The following CC2D1B variants were observed in gnomAD, a reference collection of about 807,000 sequenced individuals.
CC2D1B encodes the protein coiled-coil and C2 domain containing 1B.
In CC2D1B, 92 loss-of-function variants were observed where a neutral mutation model predicts 110.8. The observed-to-expected ratio is 0.83, with a 90% CI of 0.70 to 0.99. The LOEUF (loss-of-function observed/expected upper bound fraction) is 0.99, where lower values mean the gene tolerates loss of function less well. Ranked by LOEUF, CC2D1B falls within the 50% of genes least tolerant of loss-of-function variation. The pLI, the probability that CC2D1B is intolerant of heterozygous loss-of-function variation, is 0.00. For synonymous variants in CC2D1B, 406 were observed against 429.2 expected (o/e 0.95, Z 0.67); for missense variants, 1,136 against 1,089.0 (o/e 1.04, Z -0.61).
In CC2D1B at chr1:52,359,251, T is replaced by G; in HGVS notation, c.1125A>C (p.Pro375=). The G allele has an allele frequency of 1.2e-6, 2 of 1,612,100 alleles. No homozygotes were observed. Among genetic ancestry groups the G allele is most frequent in the Non-Finnish European group, 1.7e-6 (2 of 1,178,830 alleles). Residue 375 remains proline (P), a splice_region_variant and synonymous_variant, in exon 10 of 25, where the codon CCA becomes CCC. Coordinates refer to ENST00000284376, the MANE Select transcript of CC2D1B (RefSeq NM_001330585.2). ...PVMAPDVPAT[P]VAPTESQTVL... is the part of the protein sequence containing the mutation. ...CACAGTCCCACCATCCTGCCCTACC[T>G]GGGGTTGCTGGGACGTCAGGGGCCA...
At chr1:52,353,275 C>CAA in intron 24 of CC2D1B, 52 bp from the exon 25 acceptor site, 1 of 1,443,424 alleles carries the variant, frequency 6.9e-7, no homozygotes, top group Non-Finnish European at 9.2e-7. Flanking sequence ...AGTGAAAACA[C>CAA]AAAGATTTTA....
intron 15 of CC2D1B, among the ~76,000 whole-genome samples, 190 bp downstream of exon 15, chr1:52,357,336 C>A (rs1646675816): frequency 1.3e-5 from 2 of 152,264 alleles, no homozygotes; most frequent in Non-Finnish European, 2.9e-5. Context: ...GGCAGCCCAC[C>A]TTCCCTTCTC....
intron 9 of CC2D1B, 39 bp from the exon 10 acceptor site, chr1:52,359,396 G>T: frequency 6.2e-7 from 1 of 1,612,840 alleles, no homozygotes; most frequent in South Asian, 1.1e-5. Flanking sequence ...GGGAGGGCCT[G>T]GCCAGCCCCA....
At chr1:52,356,342 T>A (rs1646651102) in intron 17 of CC2D1B, 40 bp from the exon 18 acceptor site, 5 of 1,614,016 alleles carry the variant, frequency 3.1e-6, no homozygotes, top group Non-Finnish European at 4.2e-6. Context: ...GTGGATTTTC[T>A]GCTCCCCACC....
At chr1:52,361,251 G>T in intron 4 of CC2D1B, 119 bp from the exon 5 acceptor site, 1 of 1,308,740 alleles carries the variant, frequency 7.6e-7, no homozygotes, top group Non-Finnish European at 1.1e-6. Flanking sequence ...CACTGTGCCT[G>T]AGTCCCCTTC....
rs1428996176 is a variant in CC2D1B at position 52,355,840 on chromosome 1, A to G, written c.2059T>C (p.Phe687Leu). 6.2e-7 allele frequency: 1 copy of G among 1,614,034 alleles called. No homozygotes were observed. The highest frequency in any genetic ancestry group is 8.5e-7 in the Non-Finnish European group (1 of 1,180,002). ...ATTTCTGTGCTGTTGAGTTCTGAGA[A>G]GATCCTAGAGCCAAGCGGGAAGGAG... ...ELKTFQTVRI[F>L]SELNSTEMHL... is the part of the protein sequence containing the mutation. Residue 687 changes from phenylalanine (F) to leucine (L), a missense_variant, in exon 19 of 25, where the codon TTC becomes CTC. Phe to Leu is a conservative substitution (Grantham distance 22). Transcript: ENST00000284376.
chr1:52,354,346 A>G, intron 23 of CC2D1B: 1 of 659,222 alleles, frequency 1.5e-6, no homozygotes, highest in East Asian at 3.0e-5. Flanking sequence ...TGTCAGAGGC[A>G]AGGTCGTATA....
Position 52,359,096 on chromosome 1 carries a change from G to A in CC2D1B, c.1188C>T (p.Arg396=), listed in dbSNP as rs147336567. 3.5e-5 allele frequency: 57 copies of A among 1,609,968 alleles called. 1 individual carries two copies. The highest frequency in any genetic ancestry group is 1.2e-4 in the African/African-American group (9 of 74,942). The change falls in exon 11 of 25, where the codon CGC becomes CGT. Residue 396 remains arginine, a synonymous_variant. Coordinates refer to ENST00000284376, the MANE Select transcript of CC2D1B (RefSeq NM_001330585.2). ...DALQQRLNKY[R]EAGIQARSGG... ...CACTCCGGGCCTGGATGCCCGCCTC[G>A]CGGTACTTGTTCAGCCTCTGCTGCA...
At chr1:52,360,785 G>C in intron 5 of CC2D1B, 189 bp downstream of exon 5, 1 of 894,410 alleles carries the variant, frequency 1.1e-6, no homozygotes, top group Non-Finnish European at 1.7e-6. Flanking sequence ...TAGTCTAGGA[G>C]AACAGAGAGG....
intron 21 of CC2D1B, among the ~76,000 whole-genome samples, chr1:52,355,176 G>A (rs954889424): frequency 1.3e-5 from 2 of 152,210 alleles, no homozygotes; most frequent in Non-Finnish European, 2.9e-5. Context: ...CAGAATTCCT[G>A]TGTTCATATC....
intron 12 of CC2D1B, 28 bp from the exon 13 acceptor site, chr1:52,358,489 G>A (rs1646703931): frequency 1.9e-6 from 3 of 1,612,262 alleles, no homozygotes; most frequent in Non-Finnish European, 1.7e-6. Context: ...CATGGGAGGG[G>A]CAGGGAGCAG....
At chr1:52,354,210 T>G (rs1176752670) in intron 23 of CC2D1B, among the ~76,000 whole-genome samples, 1 of 152,120 alleles carries the variant, frequency 6.6e-6, no homozygotes, top group African/African-American at 2.4e-5. Context: ...TAGGGCCAGG[T>G]GTGCTACAGT....
Position 52,354,649 on chromosome 1 carries a change from C to T in CC2D1B, c.2389G>A (p.Glu797Lys). The change falls in exon 23 of 25, where the codon GAG becomes AAG. Residue 797 changes from glutamate (E) to lysine (K), a missense_variant. By Grantham distance (56) the Glu-to-Lys change is moderately conservative (BLOSUM62 1). Transcript: ENST00000284376. ...ATCTCACACTCATTCTCCAGCCGCT[C>T]CAGTTTCAGGTGTGCTGTGCCAACC... is the stretch of plus-strand genomic sequence containing the variant. ...KLVGTAHLKLERLENECEIRE... is the reference protein window; with the variant it reads ...KLVGTAHLKLKRLENECEIRE... The T allele has an allele frequency of 6.2e-7, 1 of 1,614,228 alleles. No homozygotes were observed. The highest frequency in any genetic ancestry group is 1.1e-5 in the South Asian group (1 of 91,090).
At chr1:52,362,786 CAGGG>C in intron 2 of CC2D1B, 40 bp from the exon 3 acceptor site, 2 of 1,609,824 alleles carry the variant, frequency 1.2e-6, no homozygotes, top group Non-Finnish European at 1.7e-6. Context: ...ACACAACAAG[CAGGG>C]TAGGGTCCAG....
In CC2D1B at chr1:52,354,837, C is replaced by T. The variant is rs756595465; in HGVS notation, c.2339+3G>A. 2 of 1,613,770 alleles carry T rather than the reference C, an allele frequency of 1.2e-6. No homozygotes were observed. Among genetic ancestry groups the T allele is most frequent in the Non-Finnish European group, 1.7e-6 (2 of 1,179,716 alleles). Reference sequence around the variant, plus strand: ...GTGGCAGCATGACCGATAGGAGCCTCACCCTTTGTGGAAGATCTCAAACTT... The same window carrying T: ...GTGGCAGCATGACCGATAGGAGCCTTACCCTTTGTGGAAGATCTCAAACTT... On this transcript the variant is annotated splice_donor_region_variant and intron_variant, in intron 22 of 24. Coordinates refer to ENST00000284376, the MANE Select transcript of CC2D1B (RefSeq NM_001330585.2).
chr1:52,363,600 C>G (rs562034866), intron 2 of CC2D1B, among the ~76,000 whole-genome samples: 24 of 152,178 alleles, frequency 1.6e-4, no homozygotes, highest in Non-Finnish European at 2.5e-4. Flanking sequence ...ATTAACCCCC[C>G]TTCCTCCCCT....
chr1:52,356,091 G>C, intron 18 of CC2D1B, 95 bp downstream of exon 18: 1 of 1,151,400 alleles, frequency 8.7e-7, no homozygotes, highest in Non-Finnish European at 1.3e-6. Context: ...GGCCAGGCTT[G>C]GGAAGCCTCA....
Position 52,354,704 on chromosome 1 carries a change from G to GAGTC in CC2D1B, c.2340-10_2340-7dup, listed in dbSNP as rs1368806529. On this transcript the variant is annotated splice_polypyrimidine_tract_variant and splice_region_variant and intron_variant, in intron 22 of 24. Transcript: ENST00000284376. ...TGTCGCTTCTGAAGAAGGACCTGGG[G>GAGTC]AGTCAAGAGGCAGCAGAGGATTGGA... 1 of 1,614,108 alleles carries GAGTC rather than the reference G, an allele frequency of 6.2e-7. No homozygotes were observed. The highest frequency in any genetic ancestry group is 1.7e-5 in the Admixed American group (1 of 60,034).
chr1:52,365,881 C>G (rs1315629726), intron 1 of CC2D1B, among the ~76,000 whole-genome samples, 188 bp downstream of exon 1: 9 of 152,160 alleles, frequency 5.9e-5, no homozygotes, highest in Non-Finnish European at 1.3e-4. Flanking sequence ...GCCAGACACT[C>G]CAAGGCTGCG....
Sources: gnomAD v4.1 joint callset for allele counts (sites outside exome capture counted in the v4.1 genomes callset) on GRCh38, gnomAD v4.1.1 for gene constraint, MANE v1.5 for transcripts, NCBI Gene and HGNC (gene_info 2026-07-23, HGNC 2026-07-21) for gene names.